The following SEMA5A variants were observed in gnomAD, a reference collection of about 807,000 sequenced individuals.
SEMA5A encodes the protein semaphorin 5A.
SEMA5A carries 55 observed loss-of-function variants against 135.5 expected under a neutral mutation model. The ratio of observed to expected loss-of-function variants is 0.41; its 90% CI spans 0.33 to 0.51. The LOEUF (loss-of-function observed/expected upper bound fraction) is 0.51. SEMA5A is among the 20% of genes least tolerant of loss of function. The probability of loss-of-function intolerance (pLI) is 0.37; values close to 1 mark genes in which losing one functional copy is unlikely to be tolerated. For missense variants in SEMA5A, 1,290 were observed against 1,419.9 expected (o/e 0.91, Z 1.47); for synonymous variants, 580 against 546.5 (o/e 1.06, Z -0.85).
At chr5:9,422,111 A>G (rs1241070480) in intron 2 of SEMA5A, among the ~76,000 whole-genome samples, 1 of 152,212 alleles carries the variant, frequency 6.6e-6, no homozygotes, top group Non-Finnish European at 1.5e-5. Flanking sequence ...GGAACTTGGA[A>G]AAGATCCAGT....
In SEMA5A at chr5:9,054,205, G is replaced by T. The variant is rs754390056; in HGVS notation, c.2571C>A (p.Cys857Ter). ...WSPWTKCSAT[C>*]GGGHYMRTRS... is the part of the protein sequence containing the mutation. ...GGGTCCTCATATAGTGTCCACCGCC[G>T]CATGTTGCTGAACATTTTGTCCAGG... is the stretch of plus-strand genomic sequence containing the variant. Residue 857 changes from cysteine to a stop codon, truncating the protein, a stop_gained, in exon 19 of 23, where the codon TGC becomes TGA. Transcript: ENST00000382496. LOFTEE classifies it high-confidence loss of function. The T allele has an allele frequency of 2.5e-6, 4 of 1,613,940 alleles. No individual in the cohort carries two copies. The highest frequency in any genetic ancestry group is 3.4e-6 in the Non-Finnish European group (4 of 1,179,958).
At chr5:9,048,613 C>A (rs2150036450) in intron 21 of SEMA5A, among the ~76,000 whole-genome samples, 1 of 152,200 alleles carries the variant, frequency 6.6e-6, no homozygotes, top group Admixed American at 6.5e-5. Context: ...AGTAAAGGCC[C>A]CACATACCCT....
intron 1 of SEMA5A, among the ~76,000 whole-genome samples, chr5:9,443,751 G>A (rs1263663971): frequency 2.0e-5 from 3 of 152,248 alleles, no homozygotes; most frequent in Non-Finnish European, 4.4e-5. Context: ...CTTCAGGTAC[G>A]AGGGAGGAGG....
chr5:9,364,083 C>T (rs1754813694), intron 3 of SEMA5A, among the ~76,000 whole-genome samples: 1 of 152,080 alleles, frequency 6.6e-6, no homozygotes, highest in Non-Finnish European at 1.5e-5. Context: ...ATGCAAAGTT[C>T]ACTATAATCT....
At chr5:9,237,741 A>G in intron 6 of SEMA5A, 87 bp downstream of exon 6, 1 of 1,199,926 alleles carries the variant, frequency 8.3e-7, no homozygotes, top group African/African-American at 1.5e-5. Context: ...CACCGTAATC[A>G]GGAATACTCT....
chr5:9,131,468 T>C (rs1412159527), intron 13 of SEMA5A, among the ~76,000 whole-genome samples: 1 of 149,270 alleles, frequency 6.7e-6, no homozygotes, highest in Non-Finnish European at 1.5e-5. Context: ...ATTACCCGGG[T>C]GTGGTGGTGG....
At chr5:9,080,324 C>T (rs1341788733) in intron 16 of SEMA5A, among the ~76,000 whole-genome samples, 3 of 152,130 alleles carry the variant, frequency 2.0e-5, no homozygotes, top group African/African-American at 7.2e-5. Context: ...CACATGTTCT[C>T]ACTCATAAGT....
At chr5:9,224,923 T>G (rs776678160) in intron 7 of SEMA5A, 36 bp from the exon 8 acceptor site, 17 of 1,570,764 alleles carry the variant, frequency 1.1e-5, no homozygotes, top group Non-Finnish European at 1.5e-5. Flanking sequence ...CAGTTATCTC[T>G]GCACAAGCCC....
intron 5 of SEMA5A, 89 bp downstream of exon 5, chr5:9,318,283 C>T: frequency 7.7e-7 from 1 of 1,290,548 alleles, no homozygotes; most frequent in South Asian, 1.4e-5. Context: ...GCTGGATTAA[C>T]ACCTTTACAT....
intron 2 of SEMA5A, among the ~76,000 whole-genome samples, chr5:9,384,591 GAT>G (rs1387352959): frequency 5.8e-5 from 6 of 103,548 alleles, no homozygotes; most frequent in African/African-American, 1.9e-4. Context: ...TAGATAGATA[GAT>G]AGATAGATAG....
At chr5:9,488,659 C>G (rs1003799307) in intron 1 of SEMA5A, among the ~76,000 whole-genome samples, 2 of 152,126 alleles carry the variant, frequency 1.3e-5, no homozygotes, top group African/African-American at 4.8e-5. Context: ...GGCCTATGCT[C>G]TCTCACGCAG....
rs183523703 is a variant in SEMA5A, at chr5:9,484,596, G to A, written c.-174-46744C>T. Among the ~76,000 whole-genome samples, 219 of 152,300 alleles carry A rather than the reference G, an allele frequency of 1.4e-3. 3 individuals carry two copies. The South Asian group carries it at 0.016, about 11-fold the overall frequency. ...TTTATGGTAGCACGATTGAAGTGTT[G>A]CTAATCATTATATATCGGTTTATTA... On this transcript the variant is annotated intron_variant, in intron 1 of 22. Coordinates refer to ENST00000382496, the MANE Select transcript of SEMA5A (RefSeq NM_003966.3).
chr5:9,525,678 G>T (rs1737085888), intron 1 of SEMA5A, among the ~76,000 whole-genome samples: 1 of 152,168 alleles, frequency 6.6e-6, no homozygotes, highest in African/African-American at 2.4e-5. Context: ...GCCCCCATTT[G>T]GTTCCAGGTC....
chr5:9,197,201 C>G lies in SEMA5A; in HGVS notation c.1035G>C (p.Trp345Cys). 1 of 1,614,238 alleles carries G rather than the reference C, an allele frequency of 6.2e-7. No individual in the cohort carries two copies. The stretch of plus-strand genomic sequence containing the variant: ...GGGGGTTTGGGTTGGGATACGGTAG[C>G]CAGGCCGAGCGCGAGTTTTCTTGGT... ...FKYQENSRSAWLPYPNPNPHF... is the reference protein window; with the variant it reads ...FKYQENSRSACLPYPNPNPHF... The change falls in exon 10 of 23, where the codon TGG becomes TGC. Residue 345 changes from tryptophan to cysteine, a missense_variant. Around this residue, in one of 3 missense-constraint regions of SEMA5A, gnomAD observed 1,029 missense variants for 1,086.6 expected, o/e 0.95. Coordinates refer to ENST00000382496, the MANE Select transcript of SEMA5A (RefSeq NM_003966.3).
intron 12 of SEMA5A, among the ~76,000 whole-genome samples, chr5:9,146,995 G>A (rs1041515616): frequency 6.6e-6 from 1 of 152,136 alleles, no homozygotes; most frequent in Non-Finnish European, 1.5e-5. Context: ...AAGGTTGTCT[G>A]GCTGGGAGAC....
chr5:9,238,524 C>A (rs1475231780), intron 5 of SEMA5A, among the ~76,000 whole-genome samples: 1 of 152,082 alleles, frequency 6.6e-6, no homozygotes, highest in Non-Finnish European at 1.5e-5. Flanking sequence ...ATTTCCAAAT[C>A]TCACTTATGC....
intron 5 of SEMA5A, among the ~76,000 whole-genome samples, chr5:9,243,662 C>T (rs537326111): frequency 6.6e-6 from 1 of 152,268 alleles, no homozygotes; most frequent in African/African-American, 2.4e-5. Flanking sequence ...GTGCTAAATG[C>T]TTTCTATACA....
Position 9,054,208 on chromosome 5 carries a change from T to C in SEMA5A, c.2568A>G (p.Thr856=). 6.2e-7 allele frequency: 1 copy of C among 1,614,048 alleles called. No homozygotes were observed. Among genetic ancestry groups the C allele is most frequent in the Non-Finnish European group, 8.5e-7 (1 of 1,179,984 alleles). ...CWSPWTKCSA[T]CGGGHYMRTR... ...TCCTCATATAGTGTCCACCGCCGCA[T>C]GTTGCTGAACATTTTGTCCAGGGGG... Residue 856 remains threonine (T), a synonymous_variant, in exon 19 of 23, where the codon ACA becomes ACG. Transcript: ENST00000382496.
chr5:9,257,672 C>T (rs572902897), intron 5 of SEMA5A, among the ~76,000 whole-genome samples: 1 of 152,256 alleles, frequency 6.6e-6, no homozygotes, highest in African/African-American at 2.4e-5. Flanking sequence ...CGTCCCCTTA[C>T]TTCTTACCCT....
Sources: gnomAD v4.1 joint callset for allele counts (sites outside exome capture counted in the v4.1 genomes callset) on GRCh38, gnomAD v4.1.1 for gene constraint, gnomAD v4.1.1 regional missense constraint, MANE v1.5 for transcripts, NCBI Gene and HGNC (gene_info 2026-07-23, HGNC 2026-07-21) for gene names.